The following GSG1L variants were observed in gnomAD, a reference collection of about 807,000 sequenced individuals.
The protein encoded by GSG1L is GSG1 like, also known as germ cell-specific gene 1-like protein.
Under a neutral mutation model 42.1 loss-of-function variants are expected in GSG1L, and 24 were observed. The observed-to-expected ratio is 0.57, with a 90% CI of 0.41 to 0.80. The LOEUF is 0.80. GSG1L is among the 30% of genes least tolerant of loss of function. The probability of loss-of-function intolerance (pLI) is 0.00; values close to 1 mark genes in which losing one functional copy is unlikely to be tolerated. For missense variants in GSG1L, 445 were observed against 472.2 expected (o/e 0.94, Z 0.53); for synonymous variants, 215 against 203.5 (o/e 1.06, Z -0.48).
chr16:27,918,204 C>T (rs1441585221), intron 2 of GSG1L, among the ~76,000 whole-genome samples: 1 of 152,090 alleles, frequency 6.6e-6, no homozygotes, highest in African/African-American at 2.4e-5. Flanking sequence ...GCTTTGACTG[C>T]CGTAGGCCTG....
chr16:27,980,497 C>T (rs112790841), intron 1 of GSG1L, among the ~76,000 whole-genome samples: 2 of 152,176 alleles, frequency 1.3e-5, no homozygotes, highest in African/African-American at 2.4e-5. Context: ...CGCCTACCAA[C>T]GTGTGTTCTA....
At chr16:27,976,703 G>A (rs564191897) in intron 1 of GSG1L, among the ~76,000 whole-genome samples, 69 of 152,260 alleles carry the variant, frequency 4.5e-4, no homozygotes, top group African/African-American at 1.6e-3. Context: ...TAGCCATCAC[G>A]TCTGCATTCT....
intron 3 of GSG1L, among the ~76,000 whole-genome samples, chr16:27,883,975 C>T (rs373829445): frequency 3.3e-5 from 5 of 152,218 alleles, no homozygotes; most frequent in Non-Finnish European, 5.9e-5. Context: ...CTTGAGCTTC[C>T]GGATGTGTTT....
At position 27,963,192 on chromosome 16, in the gene GSG1L, G is replaced by A. The variant is rs1399366179; in HGVS notation, c.361C>T (p.Arg121Cys). ...EELSGLGEKCRSFIDLAPASE... is the reference protein window; with the variant it reads ...EELSGLGEKCCSFIDLAPASE... ...GCCGGGGCCAGGTCAATGAAGCTGC[G>A]ACATTTTTCACCTTTGAAAAGAAGA... Residue 121 changes from arginine (R) to cysteine (C), a missense_variant, in exon 2 of 7, where the codon CGC becomes TGC. This residue lies in a region of GSG1L where 149 missense variants were observed against 223.3 expected (regional missense o/e 0.67). Transcript: ENST00000447459. 2 of 1,613,846 alleles carry A rather than the reference G, an allele frequency of 1.2e-6. No homozygotes were observed. The highest frequency in any genetic ancestry group is 1.1e-5 in the South Asian group (1 of 91,052).
chr16:27,888,012 A>G, intron 2 of GSG1L: 1 of 744,984 alleles, frequency 1.3e-6, no homozygotes, highest in Non-Finnish European at 1.6e-6. Context: ...AGCCTGCAGG[A>G]GGGTGGCCGC....
intron 3 of GSG1L, among the ~76,000 whole-genome samples, chr16:27,873,706 G>T (rs937445586): frequency 6.6e-6 from 1 of 152,232 alleles, no homozygotes; most frequent in Non-Finnish European, 1.5e-5. Flanking sequence ...GTCCTATCCA[G>T]AAATGAAAGA....
At position 27,946,614 on chromosome 16, in the gene GSG1L, AG is replaced by A. The variant is rs1567529950; in HGVS notation, c.397+16541del. ...GAGAGAGAGAGAGAGAGAGAGAGAG[AG>A]AGAGAGAGAGAGAGAGAAAGAAAGA... is the stretch of plus-strand genomic sequence containing the variant. On this transcript the variant is annotated intron_variant, in intron 2 of 6. Transcript: ENST00000447459. Among the ~76,000 whole-genome samples the A allele has an allele frequency of 4.8e-3, 73 of 15,144 alleles. 2 individuals carry two copies. Among genetic ancestry groups the A allele is most frequent in the African/African-American group, 0.016 (65 of 4,066 alleles). 9.9% of individuals were successfully genotyped at this position (15,144 alleles called of 152,430 possible).
At chr16:27,794,878 T>A (rs927823592) in intron 6 of GSG1L, among the ~76,000 whole-genome samples, 2 of 151,996 alleles carry the variant, frequency 1.3e-5, no homozygotes, top group African/African-American at 4.8e-5. Context: ...AGCTGTTGAC[T>A]CCCTGATTTT....
chr16:27,958,744 C>T (rs2085034587), intron 2 of GSG1L, among the ~76,000 whole-genome samples: 1 of 152,000 alleles, frequency 6.6e-6, no homozygotes, highest in Admixed American at 6.5e-5. Flanking sequence ...GGCATGATCT[C>T]GGCTCACTGT....
intron 1 of GSG1L, among the ~76,000 whole-genome samples, chr16:27,999,571 C>T (rs1567550233): frequency 1.3e-5 from 2 of 152,194 alleles, no homozygotes; most frequent in African/African-American, 2.4e-5. Context: ...TAAATTAATA[C>T]TCATACCTAA....
At chr16:27,825,149 G>A (rs1232922741) in intron 5 of GSG1L, among the ~76,000 whole-genome samples, 1 of 152,196 alleles carries the variant, frequency 6.6e-6, no homozygotes, top group Non-Finnish European at 1.5e-5. Flanking sequence ...TGGTGGAGAT[G>A]GAAATAAAAG....
chr16:28,004,596 AGAATG>A (rs1330219108), intron 1 of GSG1L, among the ~76,000 whole-genome samples: 1 of 17,536 alleles, frequency 5.7e-5, no homozygotes, highest in African/African-American at 1.4e-4. Context: ...GCAACAGAAT[AGAATG>A]AGACCCCATC....
rs1335462385 is a variant in GSG1L, at chr16:27,789,301, T to C, written c.*2069A>G. 6 of 151,514 alleles carry C rather than the reference T, an allele frequency of 4.0e-5. No individual in the cohort carries two copies. The highest frequency in any genetic ancestry group is 5.9e-5 in the Non-Finnish European group (4 of 67,770). 9.4% of individuals were successfully genotyped at this position (151,514 alleles called of 1,614,324 possible). ...GGATAATGGATGGATGGATGGTTGA[T>C]GGATAATGGGCAGATGGAGGGATGA... On this transcript the variant is annotated 3_prime_UTR_variant, in exon 7 of 7. Coordinates refer to ENST00000447459, the MANE Select transcript of GSG1L (RefSeq NM_001109763.2).
chr16:27,831,903 C>G (rs1331140311), intron 4 of GSG1L, among the ~76,000 whole-genome samples: 1 of 152,216 alleles, frequency 6.6e-6, no homozygotes, highest in East Asian at 1.9e-4. Flanking sequence ...CTACCTCCCC[C>G]ATTGCCTTCC....
intron 2 of GSG1L, among the ~76,000 whole-genome samples, chr16:27,888,515 CTTTCTTTCTTTCTTTCTTT>C (rs2084077187): frequency 6.3e-5 from 1 of 15,942 alleles, no homozygotes; most frequent in African/African-American, 1.8e-4. Context: ...TTCTTTCTTT[CTTTCTTTCTTTCTTTCTTT>C]CTTTCTTTCT....
intron 5 of GSG1L, among the ~76,000 whole-genome samples, chr16:27,807,799 C>G (rs58909172): frequency 0.035 from 5,358 of 152,190 alleles, 304 homozygotes; most frequent in East Asian, 0.2. Context: ...TGTCATGCAA[C>G]TAATCAGTTA....
intron 2 of GSG1L, among the ~76,000 whole-genome samples, chr16:27,941,525 A>T (rs1250158174): frequency 7.2e-6 from 1 of 139,696 alleles, no homozygotes; most frequent in East Asian, 2.2e-4. Flanking sequence ...ACAAAAAATT[A>T]GCTCGGCATG....
intron 2 of GSG1L, among the ~76,000 whole-genome samples, chr16:27,955,914 AAGGAAG>A: frequency 7.0e-6 from 1 of 143,752 alleles, no homozygotes; most frequent in South Asian, 2.2e-4. Flanking sequence ...GGAAGGAAGG[AAGGAAG>A]GAAGGAAAGA....
At chr16:27,828,361 T>A (rs1362047320) in intron 5 of GSG1L, among the ~76,000 whole-genome samples, 1 of 152,238 alleles carries the variant, frequency 6.6e-6, no homozygotes, top group African/African-American at 2.4e-5. Flanking sequence ...GGTGATTACA[T>A]GTAGTTCCCA....
Sources: allele counts gnomAD v4.1 joint callset (sites outside exome capture counted in the v4.1 genomes callset), GRCh38; gene constraint gnomAD v4.1.1; regional missense constraint gnomAD v4.1.1; transcripts MANE v1.5; gene names NCBI Gene and HGNC (gene_info 2026-07-23, HGNC 2026-07-21).